Variants in SPHKAP observed in about 807,000 individuals in gnomAD.
SPHKAP encodes A-kinase anchor protein SPHKAP.
In SPHKAP, 67 loss-of-function variants were observed where a neutral mutation model predicts 137.5. The observed-to-expected ratio is 0.49, with a 90% CI of 0.40 to 0.60. The LOEUF is 0.60. SPHKAP is among the 20% of genes least tolerant of loss of function. The pLI is 0.00. For missense variants in SPHKAP, 2,097 were observed against 2,069.3 expected, an observed-to-expected ratio of 1.01 and a Z score of -0.26; for synonymous variants, 813 against 785.3, an observed-to-expected ratio of 1.04 and a Z score of -0.59.
chr2:228,104,566 C>G lies in SPHKAP; in HGVS notation c.246+4266G>C, dbSNP rs564809063. On this transcript the variant is annotated intron_variant, in intron 3 of 11. Transcript: ENST00000392056. ...TATGAGATGTCATTTGTCATTGTTT[C>G]CACTGGATTTCATTAGCACAGAAGA... 1.4e-4 allele frequency among the ~76,000 whole-genome samples: 22 copies of G among 151,826 alleles called. No individual in the cohort carries two copies. In the South Asian group the frequency reaches 4.6e-3, roughly 32 times the overall value.
At chr2:228,092,508 A>AT (rs1159808835) in intron 3 of SPHKAP, among the ~76,000 whole-genome samples, 4 of 56,330 alleles carry the variant, frequency 7.1e-5, no homozygotes, top group Non-Finnish European at 1.1e-4. Context: ...ATATGTATAC[A>AT]TATATGTGCC....
chr2:228,087,227 A>G (rs1574837064), intron 3 of SPHKAP, among the ~76,000 whole-genome samples: 1 of 152,354 alleles, frequency 6.6e-6, no homozygotes, highest in Non-Finnish European at 1.5e-5. Flanking sequence ...GCATTGGGGA[A>G]ATAGACTTCA....
chr2:228,027,569 C>A (rs548537271), intron 3 of SPHKAP, 26 bp from the exon 4 acceptor site: 13 of 1,611,224 alleles, frequency 8.1e-6, no homozygotes, highest in Middle Eastern at 1.6e-4. Context: ...AAAAATAGTA[C>A]GTTAAAGTCA....
Position 228,020,013 on chromosome 2 carries a change from T to C in SPHKAP, c.841A>G (p.Ile281Val). Reference sequence around the variant, plus strand: ...TTTTCTGGAGATCGTTCTGTTTTAATCAATGGTGTGGGATATTTGTTGATG... The same window carrying C: ...TTTTCTGGAGATCGTTCTGTTTTAACCAATGGTGTGGGATATTTGTTGATG... ...KYINKYPTPL[I>V]KTERSPENLT... is the part of the protein sequence containing the mutation. Residue 281 changes from isoleucine to valine, a missense_variant, in exon 7 of 12, where the codon ATT (isoleucine) becomes GTT (valine). Physicochemically the swap from Ile to Val is conservative, Grantham distance 29. Transcript: ENST00000392056. The C allele has an allele frequency of 1.2e-6, 2 of 1,614,248 alleles. No homozygotes were observed. Among genetic ancestry groups the C allele is most frequent in the Non-Finnish European group, 1.7e-6 (2 of 1,180,042 alleles).
At chr2:228,098,490 T>C (rs981961459) in intron 3 of SPHKAP, among the ~76,000 whole-genome samples, 1 of 152,148 alleles carries the variant, frequency 6.6e-6, no homozygotes, top group Non-Finnish European at 1.5e-5. Context: ...AAAACCATCA[T>C]TCTCAGCAAA....
At chr2:227,998,386 A>G (rs1393862179) in intron 7 of SPHKAP, among the ~76,000 whole-genome samples, 2 of 152,230 alleles carry the variant, frequency 1.3e-5, no homozygotes, top group Non-Finnish European at 2.9e-5. Flanking sequence ...AAACGTGTTC[A>G]TGGAAATTTG....
In SPHKAP at chr2:228,018,947, A is replaced by G. The variant is rs1464070025; in HGVS notation, c.1907T>C (p.Ile636Thr). The G allele has an allele frequency of 5.6e-6, 9 of 1,614,072 alleles. No homozygotes were observed. The highest frequency in any genetic ancestry group is 1.1e-5 in the South Asian group (1 of 91,086). The stretch of plus-strand genomic sequence containing the variant: ...GTTCATGGAGTCCAGAAAGTCTCCA[A>G]TGCTGCTGTAGGTATTAGGCCTTGT... ...VLTRPNTYSS[I>T]GDFLDSMNRR... The change falls in exon 7 of 12, where the codon ATT becomes ACT. Residue 636 changes from isoleucine to threonine, a missense_variant. Transcript: ENST00000392056.
chr2:228,047,687 G>A (rs1414428982), intron 3 of SPHKAP, among the ~76,000 whole-genome samples: 1 of 152,162 alleles, frequency 6.6e-6, no homozygotes, highest in Admixed American at 6.5e-5. Flanking sequence ...AGCTAGGTGT[G>A]GTATGCAGTG....
rs1014281410 is a variant in SPHKAP at position 228,145,915 on chromosome 2, G to C, written c.33-13830C>G. On this transcript the variant is annotated intron_variant, in intron 1 of 11. Coordinates refer to ENST00000392056, the MANE Select transcript of SPHKAP (RefSeq NM_001142644.2). ...TTGGCAAACTCGGGACCCCTCTAAAGTGTGGCTTGTGGGCCTACTCCTTTT... is the reference window on the plus strand; with the variant it reads ...TTGGCAAACTCGGGACCCCTCTAAACTGTGGCTTGTGGGCCTACTCCTTTT... Among the ~76,000 whole-genome samples, 3 of 152,134 alleles carry C rather than the reference G, an allele frequency of 2.0e-5. No individual in the cohort carries two copies. The East Asian group carries it at 5.8e-4, about 29-fold the overall frequency.
At chr2:228,147,403 A>G (rs1352165897) in intron 1 of SPHKAP, among the ~76,000 whole-genome samples, 1 of 152,236 alleles carries the variant, frequency 6.6e-6, no homozygotes, top group Non-Finnish European at 1.5e-5. Flanking sequence ...ATAGTTTACA[A>G]TTGCAATATT....
At chr2:228,153,144 T>C (rs1045655371) in intron 1 of SPHKAP, among the ~76,000 whole-genome samples, 1 of 152,164 alleles carries the variant, frequency 6.6e-6, no homozygotes, top group African/African-American at 2.4e-5. Flanking sequence ...AAACCTCTTT[T>C]TCTTTATAAA....
At chr2:228,170,169 C>G (rs1423119360) in intron 1 of SPHKAP, among the ~76,000 whole-genome samples, 3 of 152,182 alleles carry the variant, frequency 2.0e-5, no homozygotes. Context: ...CATGATAAAA[C>G]TTGAACAAAT....
intron 3 of SPHKAP, among the ~76,000 whole-genome samples, chr2:228,063,394 G>C (rs1228636026): frequency 6.6e-6 from 1 of 152,164 alleles, no homozygotes; most frequent in Non-Finnish European, 1.5e-5. Flanking sequence ...AGGGTGAATA[G>C]TTTACTGTAG....
At chr2:228,075,790 A>G (rs1258432420) in intron 3 of SPHKAP, among the ~76,000 whole-genome samples, 2 of 152,368 alleles carry the variant, frequency 1.3e-5, no homozygotes, top group South Asian at 2.1e-4. Context: ...TGAAGGAAAG[A>G]AAGCCTTTAC....
intron 3 of SPHKAP, among the ~76,000 whole-genome samples, chr2:228,065,884 C>T (rs1696812159): frequency 6.6e-6 from 1 of 152,206 alleles, no homozygotes; most frequent in South Asian, 2.1e-4. Flanking sequence ...AGATGAATAT[C>T]CTGCCTGCAC....
intron 2 of SPHKAP, among the ~76,000 whole-genome samples, chr2:228,113,979 TA>T (rs1252939581): frequency 6.6e-6 from 1 of 152,090 alleles, no homozygotes; most frequent in Non-Finnish European, 1.5e-5. Context: ...GACAAATCAT[TA>T]GGAAAAGAAG....
At chr2:228,066,724 C>T (rs1696838366) in intron 3 of SPHKAP, among the ~76,000 whole-genome samples, 1 of 152,172 alleles carries the variant, frequency 6.6e-6, no homozygotes, top group Non-Finnish European at 1.5e-5. Flanking sequence ...CAAAAGGGAA[C>T]ACTTTTCTCA....
chr2:228,056,516 G>A (rs1175389161), intron 3 of SPHKAP, among the ~76,000 whole-genome samples: 3 of 151,292 alleles, frequency 2.0e-5, no homozygotes, highest in Non-Finnish European at 2.9e-5. Flanking sequence ...CATTCTTTCT[G>A]ACTTGAGAGG....
intron 11 of SPHKAP, among the ~76,000 whole-genome samples, chr2:227,985,979 C>G (rs926553513): frequency 1.3e-5 from 2 of 152,196 alleles, no homozygotes; most frequent in Non-Finnish European, 2.9e-5. Flanking sequence ...TGGCTGCACT[C>G]TGGAACCCCA....
Sources: gnomAD v4.1 joint callset for allele counts (sites outside exome capture counted in the v4.1 genomes callset) on GRCh38, gnomAD v4.1.1 for gene constraint, MANE v1.5 for transcripts, NCBI Gene and HGNC (gene_info 2026-07-23, HGNC 2026-07-21) for gene names.